Variants in TBC1D32 observed in about 807,000 individuals in gnomAD.
The protein encoded by TBC1D32 is protein broad-minded.
TBC1D32 carries 151 observed loss-of-function variants against 170.3 expected under a neutral mutation model. That is an observed-to-expected ratio of 0.89 (90% confidence interval 0.78 to 1.01). The LOEUF (loss-of-function observed/expected upper bound fraction) is 1.01. TBC1D32 is among the 50% of genes least tolerant of loss of function. The pLI is 0.00. For missense variants in TBC1D32, 1,464 were observed against 1,457.1 expected (o/e 1.00, Z -0.08); for synonymous variants, 498 against 488.0 (o/e 1.02, Z -0.27).
chr6:121,150,463 T>C (rs1026731996), intron 24 of TBC1D32, among the ~76,000 whole-genome samples: 1 of 151,640 alleles, frequency 6.6e-6, no homozygotes, highest in Non-Finnish European at 1.5e-5. Context: ...GCCTGAAATT[T>C]TATTTTTGTT....
At chr6:121,273,724 A>C in intron 15 of TBC1D32, among the ~76,000 whole-genome samples, 1 of 152,060 alleles carries the variant, frequency 6.6e-6, no homozygotes, top group East Asian at 1.9e-4. Flanking sequence ...GTTTCTCTGT[A>C]CATAGTGAAC....
At position 121,080,759 on chromosome 6, in the gene TBC1D32, G is replaced by A. The variant is rs752429237; in HGVS notation, c.*12C>T. On this transcript the variant is annotated 3_prime_UTR_variant, in exon 32 of 32. Coordinates refer to ENST00000398212, the MANE Select transcript of TBC1D32 (RefSeq NM_152730.6). ...TAAATAAAACCTAAATTTAAACCGT[G>A]TGTCTCATGATCTATGTGCTCTGCA... 1.2e-5 allele frequency: 20 copies of A among 1,600,992 alleles called. No homozygotes were observed. Among genetic ancestry groups the A allele is most frequent in the Non-Finnish European group, 1.5e-5 (18 of 1,175,700 alleles).
chr6:121,082,033 T>G (rs959737590), intron 31 of TBC1D32, among the ~76,000 whole-genome samples: 1 of 152,080 alleles, frequency 6.6e-6, no homozygotes, highest in East Asian at 1.9e-4. Flanking sequence ...CCTTCCAATG[T>G]AAGTATCTGA....
intron 2 of TBC1D32, among the ~76,000 whole-genome samples, chr6:121,318,549 AATAAATTAT>A (rs1809247349): frequency 1.3e-5 from 2 of 152,030 alleles, no homozygotes; most frequent in African/African-American, 2.4e-5. Flanking sequence ...AAAAATAGTG[AATAAATTAT>A]AAAATTTGAA....
rs144722661 is a variant in TBC1D32, at chr6:121,267,264, G to C, written c.1734-10979C>G. ...CTAAGGTACCAGATTCATCTCACTG[G>C]GGCTTGTCGTACACTGGGTGCAGCC... On this transcript the variant is annotated intron_variant, in intron 15 of 31. Transcript: ENST00000398212. 3.6e-3 allele frequency among the ~76,000 whole-genome samples: 553 copies of C among 152,190 alleles called. 3 individuals carry two copies. Among genetic ancestry groups the C allele is most frequent in the African/African-American group, 0.012 (518 of 41,510 alleles).
intron 9 of TBC1D32, among the ~76,000 whole-genome samples, chr6:121,301,383 T>G (rs1052905739): frequency 3.3e-5 from 5 of 152,160 alleles, no homozygotes; most frequent in African/African-American, 7.2e-5. Context: ...TCATGTCCTT[T>G]GCAGGGACAC....
intron 31 of TBC1D32, among the ~76,000 whole-genome samples, chr6:121,088,998 T>C (rs1776534114): frequency 6.6e-6 from 1 of 152,144 alleles, no homozygotes; most frequent in Non-Finnish European, 1.5e-5. Flanking sequence ...AAAAGAGAGA[T>C]GAAACTGTAA....
chr6:121,307,194 G>T (rs752595003), intron 5 of TBC1D32, among the ~76,000 whole-genome samples: 4 of 151,762 alleles, frequency 2.6e-5, no homozygotes, highest in Non-Finnish European at 5.9e-5. Context: ...GGGCAATGTG[G>T]TGAGGCTCCA....
chr6:121,320,415 T>C (rs1247590969), intron 2 of TBC1D32, among the ~76,000 whole-genome samples: 1 of 152,122 alleles, frequency 6.6e-6, no homozygotes, highest in Non-Finnish European at 1.5e-5. Flanking sequence ...AGTAATTTCC[T>C]AGCAGTACCA....
intron 30 of TBC1D32, among the ~76,000 whole-genome samples, chr6:121,098,005 T>G (rs1424383600): frequency 6.7e-6 from 1 of 149,064 alleles, no homozygotes; most frequent in African/African-American, 2.5e-5. Context: ...TGAGAACACA[T>G]GGACACAGGG....
At chr6:121,153,197 C>A (rs1428054650) in intron 24 of TBC1D32, among the ~76,000 whole-genome samples, 1 of 151,942 alleles carries the variant, frequency 6.6e-6, no homozygotes, top group Non-Finnish European at 1.5e-5. Context: ...CGTGGTCCTT[C>A]TTGATGTTGA....
rs760299666 is a variant in TBC1D32, at chr6:121,205,138, A to G, written c.2507T>C (p.Leu836Ser). 1 of 1,521,212 alleles carries G rather than the reference A, an allele frequency of 6.6e-7. No homozygotes were observed. Among genetic ancestry groups the G allele is most frequent in the Middle Eastern group, 1.7e-4 (1 of 5,806 alleles). The allele number at this position is 1,521,212 out of a possible 1,614,324, so 94.2% of individuals were successfully genotyped here. ...VIDIIDRLII[L>S]NSEAKIRSLF... The stretch of plus-strand genomic sequence containing the variant: ...AGAACGAATCTTAGCTTCAGAATTC[A>G]AAATTATAAGTCTATCAATAATATC... The change falls in exon 22 of 32, where the codon TTG becomes TCG. Residue 836 changes from leucine to serine, a missense_variant. This residue lies in a region of TBC1D32 where 1,363 missense variants were observed against 1,338.1 expected (regional missense o/e 1.02). Coordinates refer to ENST00000398212, the MANE Select transcript of TBC1D32 (RefSeq NM_152730.6).
chr6:121,217,993 A>G (rs988522272), intron 21 of TBC1D32, among the ~76,000 whole-genome samples: 1 of 152,200 alleles, frequency 6.6e-6, no homozygotes, highest in African/African-American at 2.4e-5. Context: ...GGGAAGGAGA[A>G]AACATTACAT....
At chr6:121,233,690 T>C (rs1403313325) in intron 20 of TBC1D32, among the ~76,000 whole-genome samples, 1 of 152,128 alleles carries the variant, frequency 6.6e-6, no homozygotes, top group Admixed American at 6.6e-5. Flanking sequence ...AAGTGGAGCA[T>C]TTAGGCCATT....
intron 15 of TBC1D32, among the ~76,000 whole-genome samples, chr6:121,277,365 G>A (rs1197526052): frequency 6.6e-6 from 1 of 151,732 alleles, no homozygotes; most frequent in African/African-American, 2.4e-5. Context: ...GCATGCACCT[G>A]TAGTCCCAGC....
intron 20 of TBC1D32, among the ~76,000 whole-genome samples, chr6:121,226,443 G>T (rs920224455): frequency 3.3e-5 from 5 of 152,110 alleles, no homozygotes; most frequent in Non-Finnish European, 5.9e-5. Context: ...TCTAGGGAAA[G>T]AAAAGGGCAA....
At chr6:121,229,539 T>G (rs1795477367) in intron 20 of TBC1D32, among the ~76,000 whole-genome samples, 1 of 152,130 alleles carries the variant, frequency 6.6e-6, no homozygotes, top group Middle Eastern at 3.2e-3. Context: ...TTGATCAAAT[T>G]AGATACCTTG....
At chr6:121,306,072 T>C (rs1188864482) in intron 5 of TBC1D32, among the ~76,000 whole-genome samples, 2 of 152,140 alleles carry the variant, frequency 1.3e-5, no homozygotes, top group African/African-American at 4.8e-5. Flanking sequence ...AAATTTACAA[T>C]TGCATCCGTC....
chr6:121,216,372 T>C lies in TBC1D32; in HGVS notation c.2481+6864A>G, dbSNP rs1422134436. ...TCTGATTGTGTAAGTTAATATTTAATATACTCCCCTCTATAGGTATATTTA... is the reference window on the plus strand; with the variant it reads ...TCTGATTGTGTAAGTTAATATTTAACATACTCCCCTCTATAGGTATATTTA... On this transcript the variant is annotated intron_variant, in intron 21 of 31. Coordinates refer to ENST00000398212, the MANE Select transcript of TBC1D32 (RefSeq NM_152730.6). Among the ~76,000 whole-genome samples the C allele has an allele frequency of 2.2e-4, 33 of 152,150 alleles. 1 individual carries two copies. Among genetic ancestry groups the C allele is most frequent in the Admixed American group, 2.0e-3 (30 of 15,274 alleles).
Sources: gnomAD v4.1 joint callset for allele counts (sites outside exome capture counted in the v4.1 genomes callset) on GRCh38, gnomAD v4.1.1 for gene constraint, gnomAD v4.1.1 regional missense constraint, MANE v1.5 for transcripts, NCBI Gene and HGNC (gene_info 2026-07-23, HGNC 2026-07-21) for gene names.